The following RNLS variants were observed in gnomAD, a reference collection of about 807,000 sequenced individuals.
The protein encoded by RNLS is renalase, FAD dependent amine oxidase, also known as renalase.
RNLS carries 39 observed loss-of-function variants against 39.8 expected under a neutral mutation model. The ratio of observed to expected loss-of-function variants is 0.98; its 90% CI spans 0.76 to 1.28. The LOEUF is 1.28. Among genes scored for constraint, RNLS ranks in the 50% most tolerant of loss-of-function variants. The probability of loss-of-function intolerance (pLI) is 0.00; values close to 1 mark genes in which losing one functional copy is unlikely to be tolerated. For synonymous variants in RNLS, 147 were observed against 150.7 expected (o/e 0.98, Z 0.18); for missense variants, 410 against 413.3 (o/e 0.99, Z 0.07).
chr10:88,326,683 C>A (rs1846638818), intron 5 of RNLS, among the ~76,000 whole-genome samples: 1 of 152,192 alleles, frequency 6.6e-6, no homozygotes, highest in Admixed American at 6.5e-5. Flanking sequence ...TGGGGAGAAA[C>A]TCAAGCTAGC....
the RNLS span, among the ~76,000 whole-genome samples, chr10:88,186,171 C>A: frequency 6.6e-6 from 1 of 152,124 alleles, no homozygotes; most frequent in Non-Finnish European, 1.5e-5. Flanking sequence ...AAACCCAATG[C>A]TTTTTAATAA....
intron 6 of RNLS, among the ~76,000 whole-genome samples, chr10:88,308,467 G>A (rs1348655407): frequency 3.9e-5 from 6 of 151,942 alleles, no homozygotes; most frequent in South Asian, 2.1e-4. Context: ...TTAACAAGTG[G>A]GCAAAGGACA....
intron 4 of RNLS, among the ~76,000 whole-genome samples, chr10:88,546,905 A>G (rs1416564078): frequency 2.2e-5 from 1 of 45,848 alleles, no homozygotes; most frequent in African/African-American, 1.8e-4. Flanking sequence ...CCATGAAACC[A>G]AAAAAAAAAA....
At chr10:88,193,369 G>C in the RNLS span, among the ~76,000 whole-genome samples, 9 of 152,052 alleles carry the variant, frequency 5.9e-5, no homozygotes, top group African/African-American at 2.2e-4. Flanking sequence ...CCACAGAACA[G>C]AGTGCGAACA....
At chr10:88,235,267 C>CAAAAAAAAAAA in the RNLS span, among the ~76,000 whole-genome samples, 2 of 61,954 alleles carry the variant, frequency 3.2e-5, no homozygotes, top group Non-Finnish European at 5.5e-5. Flanking sequence ...GACTCTATCT[C>CAAAAAAAAAAA]AAAAAAAAAA....
chr10:88,473,175 T>A (rs1261379176), intron 4 of RNLS, among the ~76,000 whole-genome samples: 1 of 152,180 alleles, frequency 6.6e-6, no homozygotes, highest in African/African-American at 2.4e-5. Flanking sequence ...AAAGGTACAG[T>A]AAAAATATCG....
intron 4 of RNLS, among the ~76,000 whole-genome samples, chr10:88,494,564 A>G (rs1234747224): frequency 6.6e-6 from 1 of 152,156 alleles, no homozygotes; most frequent in East Asian, 1.9e-4. Context: ...ACTCAAGATT[A>G]TTCAGAAATT....
chr10:88,287,191 C>T (rs974598536), intron 6 of RNLS, among the ~76,000 whole-genome samples: 2 of 151,992 alleles, frequency 1.3e-5, no homozygotes, highest in Non-Finnish European at 2.9e-5. Flanking sequence ...TATTATTTCC[C>T]TGTTGAACCT....
At chr10:88,272,846 T>C (rs527531803), downstream of RNLS, among the ~76,000 whole-genome samples, 39 of 152,200 alleles carry the variant, frequency 2.6e-4, no homozygotes, top group Non-Finnish European at 1.2e-4. Flanking sequence ...GTCTCTAATC[T>C]AGGGATTCTC....
chr10:88,504,424 A>G (rs1377526119), intron 4 of RNLS, among the ~76,000 whole-genome samples: 2 of 152,148 alleles, frequency 1.3e-5, no homozygotes, highest in Admixed American at 6.6e-5. Flanking sequence ...ATAGGGGTAA[A>G]TGTTTATATT....
At chr10:88,452,691 T>C (rs566357637) in intron 4 of RNLS, among the ~76,000 whole-genome samples, 1 of 152,162 alleles carries the variant, frequency 6.6e-6, no homozygotes, top group African/African-American at 2.4e-5. Context: ...AATCTCAAGC[T>C]ATGGCTACCA....
intron 6 of RNLS, among the ~76,000 whole-genome samples, chr10:88,311,940 G>C (rs560921125): frequency 1.3e-5 from 2 of 152,282 alleles, no homozygotes; most frequent in South Asian, 4.1e-4. Context: ...TTCCCTTAGG[G>C]AGGCTTGAGC....
At chr10:88,289,287 C>T (rs1037016163) in intron 6 of RNLS, among the ~76,000 whole-genome samples, 1 of 152,120 alleles carries the variant, frequency 6.6e-6, no homozygotes, top group African/African-American at 2.4e-5. Flanking sequence ...AATCTCACCT[C>T]GTGCCACTTC....
At chr10:88,188,973 C>A in the RNLS span, among the ~76,000 whole-genome samples, 2 of 152,154 alleles carry the variant, frequency 1.3e-5, no homozygotes, top group Non-Finnish European at 2.9e-5. Context: ...CCTTTGCTGG[C>A]AGCTAAGAGA....
At chr10:88,306,554 T>C (rs571036029) in intron 6 of RNLS, among the ~76,000 whole-genome samples, 8 of 152,322 alleles carry the variant, frequency 5.3e-5, no homozygotes, top group South Asian at 2.1e-4. Context: ...TGAACACCTC[T>C]ATGATTATTA....
the RNLS span, among the ~76,000 whole-genome samples, chr10:88,234,822 T>C: frequency 6.6e-6 from 1 of 152,184 alleles, no homozygotes; most frequent in Non-Finnish European, 1.5e-5. Context: ...CAAGAAAATA[T>C]ATCTGCTTTT....
intron 4 of RNLS, among the ~76,000 whole-genome samples, chr10:88,559,246 G>A (rs933149442): frequency 2.0e-5 from 3 of 152,038 alleles, no homozygotes; most frequent in African/African-American, 7.2e-5. Context: ...CATGTTTTAC[G>A]TGTCAGTTTA....
At chr10:88,378,595 T>TG (rs1309213166) in intron 4 of RNLS, among the ~76,000 whole-genome samples, 1 of 152,210 alleles carries the variant, frequency 6.6e-6, no homozygotes, top group Admixed American at 6.5e-5. Flanking sequence ...GAGAGGCTCC[T>TG]GCCCCTTACC....
At chr10:88,545,774 A>G (rs1848275641) in intron 4 of RNLS, among the ~76,000 whole-genome samples, 1 of 152,204 alleles carries the variant, frequency 6.6e-6, no homozygotes, top group African/African-American at 2.4e-5. Context: ...CTCAAAAGAT[A>G]ATTTTTCATT....
Sources: allele counts gnomAD v4.1 joint callset (sites outside exome capture counted in the v4.1 genomes callset), GRCh38; gene constraint gnomAD v4.1.1; transcripts MANE v1.5; gene names NCBI Gene and HGNC (gene_info 2026-07-23, HGNC 2026-07-21).